Variants in GPC5 observed in about 807,000 individuals in gnomAD.
GPC5 encodes glypican-5.
In GPC5, 47 loss-of-function variants were observed where a neutral mutation model predicts 53.9. The observed-to-expected ratio is 0.87, with a 90% CI of 0.69 to 1.11. The LOEUF (loss-of-function observed/expected upper bound fraction) is 1.11. Among genes scored for constraint, GPC5 ranks in the 50% most tolerant of loss-of-function variants. The probability of loss-of-function intolerance (pLI) is 0.00; values close to 1 mark genes in which losing one functional copy is unlikely to be tolerated. For synonymous variants in GPC5, 286 were observed against 263.3 expected (o/e 1.09, Z -0.84); for missense variants, 748 against 713.1 (o/e 1.05, Z -0.56).
chr13:92,582,038 A>C (rs563100382), intron 7 of GPC5, among the ~76,000 whole-genome samples: 2 of 152,230 alleles, frequency 1.3e-5, no homozygotes, highest in South Asian at 2.1e-4. Context: ...TCGGCTATGC[A>C]GAAGCTTTTT....
At chr13:91,722,746 A>G (rs2036500324) in intron 3 of GPC5, among the ~76,000 whole-genome samples, 1 of 152,218 alleles carries the variant, frequency 6.6e-6, no homozygotes, top group Admixed American at 6.5e-5. Context: ...CATGCCTCCA[A>G]GTAAACACTT....
At chr13:92,623,894 G>T (rs2139119322) in intron 7 of GPC5, among the ~76,000 whole-genome samples, 1 of 151,908 alleles carries the variant, frequency 6.6e-6, no homozygotes, top group East Asian at 1.9e-4. Flanking sequence ...TTTTGCTCTT[G>T]CCCAGGCCGG....
chr13:91,906,819 A>T (rs1203967684), intron 5 of GPC5, among the ~76,000 whole-genome samples: 1 of 151,994 alleles, frequency 6.6e-6, no homozygotes, highest in East Asian at 1.9e-4. Flanking sequence ...ACCCTTTTAC[A>T]TACGACATGA....
intron 7 of GPC5, among the ~76,000 whole-genome samples, chr13:92,589,905 A>G (rs1458083255): frequency 6.6e-6 from 1 of 152,202 alleles, no homozygotes; most frequent in African/African-American, 2.4e-5. Context: ...CTAAGAACCA[A>G]ATTAACTAGT....
chr13:92,265,916 A>G (rs1025003591), intron 7 of GPC5, among the ~76,000 whole-genome samples: 5 of 152,218 alleles, frequency 3.3e-5, no homozygotes, highest in African/African-American at 9.6e-5. Flanking sequence ...GCTTCTTGCT[A>G]CATCATCCCC....
Position 91,412,712 on chromosome 13 carries a change from T to A in GPC5, c.163+13503T>A, listed in dbSNP as rs542984487. 2.6e-5 allele frequency among the ~76,000 whole-genome samples: 4 copies of A among 152,338 alleles called. No individual in the cohort carries two copies. The East Asian group carries it at 7.7e-4, about 29-fold the overall frequency. ...TACAAATATCTAATGTTCCTGTGAC[T>A]GTAGGAAACAGAGCATTCTCATCTA... is the stretch of plus-strand genomic sequence containing the variant. On this transcript the variant is annotated intron_variant, in intron 1 of 7. Transcript: ENST00000377067.
chr13:92,164,434 G>C (rs1367044495), intron 7 of GPC5, among the ~76,000 whole-genome samples: 1 of 152,130 alleles, frequency 6.6e-6, no homozygotes, highest in African/African-American at 2.4e-5. Context: ...AAATCCAATA[G>C]GGCAGTCATT....
At chr13:92,429,411 A>G (rs1241970905) in intron 7 of GPC5, among the ~76,000 whole-genome samples, 1 of 151,830 alleles carries the variant, frequency 6.6e-6, no homozygotes, top group Non-Finnish European at 1.5e-5. Flanking sequence ...ACAAAATATT[A>G]ACTATACTTA....
chr13:91,738,166 G>A (rs2036853663), intron 4 of GPC5, among the ~76,000 whole-genome samples: 1 of 151,374 alleles, frequency 6.6e-6, no homozygotes, highest in Non-Finnish European at 1.5e-5. Flanking sequence ...TTCTCTTCCT[G>A]ATTCAGATAC....
At chr13:92,435,925 A>C (rs182693340) in intron 7 of GPC5, among the ~76,000 whole-genome samples, 2 of 152,280 alleles carry the variant, frequency 1.3e-5, no homozygotes, top group Admixed American at 1.3e-4. Context: ...AAAATACAGC[A>C]CTTCATTTGC....
intron 6 of GPC5, among the ~76,000 whole-genome samples, chr13:92,009,136 G>A (rs139261593): frequency 1.9e-3 from 289 of 151,878 alleles, no homozygotes; most frequent in African/African-American, 5.7e-3. Flanking sequence ...CTGGTTATGC[G>A]TCTACTGAAT....
intron 7 of GPC5, among the ~76,000 whole-genome samples, chr13:92,209,505 A>C (rs1241631621): frequency 6.6e-6 from 1 of 152,164 alleles, no homozygotes; most frequent in Non-Finnish European, 1.5e-5. Flanking sequence ...TTGTCTACTA[A>C]CTGCAAAAGC....
intron 7 of GPC5, among the ~76,000 whole-genome samples, chr13:92,227,740 T>C (rs992857416): frequency 6.6e-6 from 1 of 152,148 alleles, no homozygotes; most frequent in Non-Finnish European, 1.5e-5. Context: ...CATGTATAAC[T>C]TAATTTTTTT....
chr13:92,757,526 C>T (rs1378038273), intron 7 of GPC5, among the ~76,000 whole-genome samples: 1 of 152,100 alleles, frequency 6.6e-6, no homozygotes, highest in Non-Finnish European at 1.5e-5. Flanking sequence ...AAAGAAACTA[C>T]CATCAGAGTG....
chr13:92,349,867 T>C (rs1438514312), intron 7 of GPC5, among the ~76,000 whole-genome samples: 1 of 152,196 alleles, frequency 6.6e-6, no homozygotes, highest in African/African-American at 2.4e-5. Flanking sequence ...GGAGGGACTC[T>C]TTCTTTAGCT....
chr13:91,709,261 T>C (rs927614914), intron 3 of GPC5, among the ~76,000 whole-genome samples: 4 of 152,326 alleles, frequency 2.6e-5, no homozygotes, highest in East Asian at 3.9e-4. Flanking sequence ...TTTTAAAAGA[T>C]AAAATATATT....
intron 4 of GPC5, among the ~76,000 whole-genome samples, chr13:91,752,493 T>G (rs920216041): frequency 3.3e-5 from 5 of 152,234 alleles, no homozygotes; most frequent in Non-Finnish European, 7.3e-5. Context: ...ATAATAATTA[T>G]GGTCACCACA....
At chr13:91,489,434 CT>C (rs1883805539) in intron 2 of GPC5, among the ~76,000 whole-genome samples, 1 of 152,118 alleles carries the variant, frequency 6.6e-6, no homozygotes, top group Non-Finnish European at 1.5e-5. Flanking sequence ...ATATTGGGGG[CT>C]GAATTTTGCC....
At chr13:91,456,826 T>A (rs2139126124) in intron 2 of GPC5, among the ~76,000 whole-genome samples, 1 of 136,148 alleles carries the variant, frequency 7.3e-6, no homozygotes, top group Non-Finnish European at 1.5e-5. Context: ...AGCATATGAA[T>A]ATGGGATTTT....
Sources: gnomAD v4.1 joint callset for allele counts (sites outside exome capture counted in the v4.1 genomes callset) on GRCh38, gnomAD v4.1.1 for gene constraint, MANE v1.5 for transcripts, NCBI Gene and HGNC (gene_info 2026-07-23, HGNC 2026-07-21) for gene names.